Variants in SLX4IP observed in about 807,000 individuals in gnomAD.
The protein encoded by SLX4IP is SLX4 interacting protein.
In SLX4IP, 34 loss-of-function variants were observed where a neutral mutation model predicts 32.9. The observed-to-expected ratio is 1.03, with a 90% CI of 0.79 to 1.38. The LOEUF (loss-of-function observed/expected upper bound fraction) is 1.38. SLX4IP is among the 40% of genes most tolerant of loss of function. The pLI is 0.00. For missense variants in SLX4IP, 444 were observed against 479.0 expected (o/e 0.93, Z 0.68); for synonymous variants, 172 against 171.7 (o/e 1.00, Z -0.01).
chr20:10,497,909 A>C (rs2065682427), intron 2 of SLX4IP, among the ~76,000 whole-genome samples: 1 of 151,818 alleles, frequency 6.6e-6, no homozygotes, highest in African/African-American at 2.4e-5. Context: ...CTTTTTCTAA[A>C]AAATGGCCTC....
intron 2 of SLX4IP, among the ~76,000 whole-genome samples, chr20:10,505,261 T>C (rs1046405815): frequency 6.6e-6 from 1 of 152,216 alleles, no homozygotes; most frequent in African/African-American, 2.4e-5. Context: ...CTCTAGACTC[T>C]GGGAATGTGT....
At chr20:10,507,450 T>C (rs891147930) in intron 2 of SLX4IP, among the ~76,000 whole-genome samples, 2 of 152,080 alleles carry the variant, frequency 1.3e-5, no homozygotes, top group African/African-American at 4.8e-5. Flanking sequence ...GGTTTTACTT[T>C]GTGTGAAATG....
At chr20:10,437,240 C>G (rs1222884370) in intron 1 of SLX4IP, among the ~76,000 whole-genome samples, 3 of 152,164 alleles carry the variant, frequency 2.0e-5, no homozygotes, top group Non-Finnish European at 4.4e-5. Flanking sequence ...ATCCTTCTGC[C>G]TTGGTCTGTC....
chr20:10,532,042 C>T lies in SLX4IP; in HGVS notation c.28-24189C>T, dbSNP rs529856995. Among the ~76,000 whole-genome samples the T allele has an allele frequency of 3.9e-5, 6 of 152,258 alleles. No homozygotes were observed. The South Asian group carries it at 1.2e-3, about 32-fold the overall frequency. On this transcript the variant is annotated intron_variant, in intron 2 of 7. Coordinates refer to ENST00000334534, the MANE Select transcript of SLX4IP (RefSeq NM_001009608.3). Reference sequence around the variant, plus strand: ...ATCCCTGACATTGGTTTGCAACTGCCAGCAGGAATTTGCCTTTTTCACTGT... The same window carrying T: ...ATCCCTGACATTGGTTTGCAACTGCTAGCAGGAATTTGCCTTTTTCACTGT...
At chr20:10,511,784 G>A (rs983460653) in intron 2 of SLX4IP, among the ~76,000 whole-genome samples, 1 of 152,208 alleles carries the variant, frequency 6.6e-6, no homozygotes, top group Non-Finnish European at 1.5e-5. Context: ...AGCCCTTCCT[G>A]TGTGTGGAGA....
chr20:10,486,218 T>C (rs1205390760), intron 2 of SLX4IP, among the ~76,000 whole-genome samples: 1 of 150,174 alleles, frequency 6.7e-6, no homozygotes. Context: ...GTAGGCATCC[T>C]AACACAGTCT....
chr20:10,444,099 T>A (rs924864359), intron 1 of SLX4IP, among the ~76,000 whole-genome samples: 1 of 152,116 alleles, frequency 6.6e-6, no homozygotes, highest in Non-Finnish European at 1.5e-5. Context: ...GAAATCCCAG[T>A]GAAGAGTTTT....
rs1309603630 is a variant in SLX4IP at position 10,626,261 on chromosome 20, C to T, written c.*2882C>T. ...GTGTTGGCCAGGGTGGTCTCGATCT[C>T]CTGACTCGTGATCCGCCCGCCTCGG... On this transcript the variant is annotated 3_prime_UTR_variant, in exon 8 of 8. Transcript: ENST00000334534. 1.4e-5 allele frequency: 2 copies of T among 142,332 alleles called. No homozygotes were observed. The highest frequency in any genetic ancestry group is 3.0e-5 in the Non-Finnish European group (2 of 66,330). 8.8% of individuals were successfully genotyped at this position (142,332 alleles called of 1,614,324 possible). A position where few individuals can be genotyped will look rare whatever the true frequency, so the allele number is the denominator to read the frequency against.
rs184073592 is a variant in SLX4IP at position 10,592,049 on chromosome 20, T to C, written c.239-6626T>C. On this transcript the variant is annotated intron_variant, in intron 4 of 7. Transcript: ENST00000334534. ...AATTATTTTATAAATAATGATTTTA[T>C]TCATGAAACATTTCATGCTCCATTT... Among the ~76,000 whole-genome samples the C allele has an allele frequency of 2.4e-3, 360 of 152,326 alleles. 1 individual carries two copies. Among genetic ancestry groups the C allele is most frequent in the Admixed American group, 4.4e-3 (67 of 15,296 alleles).
chr20:10,444,394 T>C (rs185001624), intron 1 of SLX4IP, among the ~76,000 whole-genome samples: 108 of 152,250 alleles, frequency 7.1e-4, no homozygotes, highest in African/African-American at 2.4e-3. Context: ...TTCTTTTTTT[T>C]TGAGCTGGAG....
intron 2 of SLX4IP, among the ~76,000 whole-genome samples, chr20:10,502,213 A>G (rs550104603): frequency 6.6e-6 from 1 of 152,284 alleles, no homozygotes; most frequent in African/African-American, 2.4e-5. Context: ...GCTCTGTGGC[A>G]TTTCTGTGTA....
At chr20:10,529,371 TTGAGGTCAGGAGTCTGAAA>T (rs2122461345) in intron 2 of SLX4IP, among the ~76,000 whole-genome samples, 1 of 152,098 alleles carries the variant, frequency 6.6e-6, no homozygotes, top group African/African-American at 2.4e-5. Flanking sequence ...GGTGGATCAC[TTGAGGTCAGGAGTCTGAAA>T]TTAGCCTGGC....
chr20:10,466,292 G>A (rs2065379901), intron 2 of SLX4IP, among the ~76,000 whole-genome samples: 1 of 152,140 alleles, frequency 6.6e-6, no homozygotes, highest in African/African-American at 2.4e-5. Context: ...TAAATTTTGG[G>A]TCCCAGCGGA....
At chr20:10,609,815 A>G (rs1477446258) in intron 6 of SLX4IP, among the ~76,000 whole-genome samples, 1 of 152,130 alleles carries the variant, frequency 6.6e-6, no homozygotes, top group Non-Finnish European at 1.5e-5. Context: ...AAGACCTCCT[A>G]AAGTGGCCCA....
intron 3 of SLX4IP, among the ~76,000 whole-genome samples, chr20:10,557,293 A>G (rs993747996): frequency 1.3e-5 from 2 of 152,196 alleles, no homozygotes; most frequent in African/African-American, 2.4e-5. Flanking sequence ...AAAAGATTTT[A>G]TAGGATAATA....
At position 10,571,921 on chromosome 20, in the gene SLX4IP, A is replaced by T. The variant is rs949461281; in HGVS notation, c.238+11101A>T. ...GAAAGTCAAAACCACAACTTACCCC[A>T]GTGTAAGATTAGGCTGCAACATCTT... On this transcript the variant is annotated intron_variant, in intron 4 of 7. Transcript: ENST00000334534. 2.4e-4 allele frequency among the ~76,000 whole-genome samples: 36 copies of T among 152,152 alleles called. 1 individual carries two copies. The highest frequency in any genetic ancestry group is 6.5e-5 in the Admixed American group (1 of 15,276).
intron 2 of SLX4IP, among the ~76,000 whole-genome samples, chr20:10,478,659 AT>A (rs1271784946): frequency 6.6e-6 from 1 of 152,232 alleles, no homozygotes; most frequent in Non-Finnish European, 1.5e-5. Flanking sequence ...CACAGGTAAC[AT>A]TGTTAAAGAA....
intron 4 of SLX4IP, 131 bp downstream of exon 4, chr20:10,560,951 A>T: frequency 1.1e-6 from 1 of 947,756 alleles, no homozygotes; most frequent in Non-Finnish European, 1.4e-6. Context: ...CCTAATGAAG[A>T]TACTTTGTTT....
chr20:10,611,450 G>T (rs988471976), intron 6 of SLX4IP, among the ~76,000 whole-genome samples: 2 of 152,164 alleles, frequency 1.3e-5, no homozygotes, highest in Non-Finnish European at 2.9e-5. Context: ...ACCATCTTTG[G>T]CTCCAGATTC....
Sources: allele counts gnomAD v4.1 joint callset (sites outside exome capture counted in the v4.1 genomes callset), GRCh38; gene constraint gnomAD v4.1.1; transcripts MANE v1.5; gene names NCBI Gene and HGNC (gene_info 2026-07-23, HGNC 2026-07-21).